MGAT4C: variants seen among roughly 807,000 people sequenced by gnomAD.
The protein encoded by MGAT4C is alpha-1,3-mannosyl-glycoprotein 4-beta-N-acetylglucosaminyltransferase C.
In MGAT4C, 19 loss-of-function variants were observed where a neutral mutation model predicts 40.1. That is an observed-to-expected ratio of 0.47 (90% CI 0.33 to 0.70). MGAT4C has a LOEUF of 0.70. Among genes scored for constraint, MGAT4C ranks in the 30% least tolerant of loss-of-function variants. The pLI is 0.02. For synonymous variants in MGAT4C, 181 were observed against 187.1 expected (o/e 0.97, Z 0.27); for missense variants, 491 against 563.2 (o/e 0.87, Z 1.30).
At chr12:86,805,088 T>G (rs1296651601) in intron 1 of MGAT4C, among the ~76,000 whole-genome samples, 1 of 152,068 alleles carries the variant, frequency 6.6e-6, no homozygotes, top group East Asian at 1.9e-4. Flanking sequence ...TTGTCCTTTG[T>G]GTATCCATAT....
chr12:86,118,562 G>A (rs1878818182), intron 1 of MGAT4C, among the ~76,000 whole-genome samples: 1 of 152,140 alleles, frequency 6.6e-6, no homozygotes, highest in Non-Finnish European at 1.5e-5. Context: ...TGAGAGAGAG[G>A]ATGGCCAATA....
intron 2 of MGAT4C, among the ~76,000 whole-genome samples, chr12:86,666,948 G>A (rs1250566410): frequency 6.6e-6 from 1 of 152,106 alleles, no homozygotes; most frequent in East Asian, 1.9e-4. Context: ...AGAATCAATA[G>A]AAACTTGTGC....
At chr12:86,242,911 C>T (rs1048489118) in intron 1 of MGAT4C, among the ~76,000 whole-genome samples, 3 of 152,088 alleles carry the variant, frequency 2.0e-5, no homozygotes, top group African/African-American at 7.2e-5. Flanking sequence ...CTAACAGAGC[C>T]CAGGAACAAG....
At chr12:86,547,229 C>T (rs1157945428) in intron 2 of MGAT4C, among the ~76,000 whole-genome samples, 1 of 151,820 alleles carries the variant, frequency 6.6e-6, no homozygotes. Flanking sequence ...TAATTGTGGC[C>T]TTTGCCAAAG....
intron 2 of MGAT4C, among the ~76,000 whole-genome samples, chr12:86,543,118 G>T (rs1038528963): frequency 1.3e-5 from 2 of 151,600 alleles, no homozygotes; most frequent in African/African-American, 4.8e-5. Context: ...AAACTGAGTG[G>T]GTTCTGTTTT....
intron 2 of MGAT4C, among the ~76,000 whole-genome samples, chr12:86,039,198 T>G (rs979425478): frequency 2.0e-5 from 3 of 152,200 alleles, no homozygotes; most frequent in African/African-American, 7.2e-5. Flanking sequence ...TTATGTGTCT[T>G]GGGGTTGCTC....
At chr12:86,454,251 A>C (rs1269698127) in intron 2 of MGAT4C, among the ~76,000 whole-genome samples, 3 of 151,758 alleles carry the variant, frequency 2.0e-5, no homozygotes, top group Non-Finnish European at 4.4e-5. Context: ...TTTTTAAGAC[A>C]GGGTCTCACC....
At chr12:86,706,077 A>G (rs1034233721) in intron 2 of MGAT4C, among the ~76,000 whole-genome samples, 11 of 152,144 alleles carry the variant, frequency 7.2e-5, no homozygotes, top group African/African-American at 2.7e-4. Context: ...TGATACACAA[A>G]ATGGGAAGAC....
At chr12:86,738,690 G>C (rs1333262430) in intron 1 of MGAT4C, among the ~76,000 whole-genome samples, 1 of 151,106 alleles carries the variant, frequency 6.6e-6, no homozygotes, top group Non-Finnish European at 1.5e-5. Flanking sequence ...TACAATTTCA[G>C]GACTGATTAT....
At chr12:86,205,410 A>G (rs1191267536) in intron 1 of MGAT4C, among the ~76,000 whole-genome samples, 1 of 151,594 alleles carries the variant, frequency 6.6e-6, no homozygotes, top group African/African-American at 2.4e-5. Flanking sequence ...TTAAAGTGAA[A>G]TATTTGAATA....
At chr12:86,015,352 C>G (rs915190512) in intron 2 of MGAT4C, among the ~76,000 whole-genome samples, 6 of 152,000 alleles carry the variant, frequency 3.9e-5, no homozygotes, top group Admixed American at 3.9e-4. Context: ...TGCTGCCTCC[C>G]GACAAGCTGT....
At chr12:86,021,288 C>T (rs559636897) in intron 2 of MGAT4C, among the ~76,000 whole-genome samples, 12 of 152,100 alleles carry the variant, frequency 7.9e-5, no homozygotes, top group African/African-American at 2.2e-4. Context: ...CACATGCACA[C>T]GTATGTTTAT....
intron 3 of MGAT4C, among the ~76,000 whole-genome samples, chr12:86,339,778 T>C (rs1954870575): frequency 6.6e-6 from 1 of 152,026 alleles, no homozygotes. Flanking sequence ...AATTTTAGTA[T>C]CCAAGACACT....
At chr12:86,252,115 A>G (rs148558152) in intron 1 of MGAT4C, among the ~76,000 whole-genome samples, 23 of 152,156 alleles carry the variant, frequency 1.5e-4, no homozygotes, top group African/African-American at 5.3e-4. Context: ...AAAGAAGTGG[A>G]AAAGTCTTCA....
intron 2 of MGAT4C, among the ~76,000 whole-genome samples, chr12:86,511,190 C>T (rs2136348104): frequency 6.6e-6 from 1 of 152,090 alleles, no homozygotes; most frequent in Non-Finnish European, 1.5e-5. Context: ...AAGAATCTCA[C>T]TCAAAACCGC....
intron 2 of MGAT4C, among the ~76,000 whole-genome samples, chr12:86,552,009 T>A (rs1460831901): frequency 1.4e-5 from 2 of 139,562 alleles, no homozygotes; most frequent in African/African-American, 2.7e-5. Context: ...TAGGCACACA[T>A]TAAACATTAA....
intron 2 of MGAT4C, among the ~76,000 whole-genome samples, chr12:86,492,654 G>T (rs1294380369): frequency 1.3e-5 from 2 of 152,244 alleles, no homozygotes; most frequent in South Asian, 2.1e-4. Context: ...ATTCAAGATG[G>T]ATTAAAGACT....
chr12:86,159,683 C>T (rs1214069511), intron 1 of MGAT4C, among the ~76,000 whole-genome samples: 1 of 151,872 alleles, frequency 6.6e-6, no homozygotes, highest in East Asian at 1.9e-4. Context: ...TTAGCAGGTT[C>T]TTTATTACTG....
At chr12:86,110,297 T>TATATATATATA (rs1355215806) in intron 1 of MGAT4C, among the ~76,000 whole-genome samples, 79 of 14,212 alleles carry the variant, frequency 5.6e-3, no homozygotes, top group East Asian at 0.024. Flanking sequence ...ATATATAGTC[T>TATATATATATA]CTCTATATAT....
Sources: gnomAD v4.1 joint callset for allele counts (sites outside exome capture counted in the v4.1 genomes callset) on GRCh38, gnomAD v4.1.1 for gene constraint, MANE v1.5 for transcripts, NCBI Gene and HGNC (gene_info 2026-07-23, HGNC 2026-07-21) for gene names.